Variants in SPECC1 observed in about 807,000 individuals in gnomAD.
The protein encoded by SPECC1 is sperm antigen with calponin homology and coiled-coil domains 1, also known as cytospin-B.
A neutral mutation model predicts 104.1 loss-of-function variants in SPECC1; 62 were observed. That is an observed-to-expected ratio of 0.60 (90% CI 0.49 to 0.74). The LOEUF is 0.74. SPECC1 is among the 30% of genes least tolerant of loss of function. The pLI is 0.00. For missense variants in SPECC1, 1,306 were observed against 1,310.5 expected (o/e 1.00, Z 0.05); for synonymous variants, 513 against 501.6 (o/e 1.02, Z -0.30).
chr17:20,269,894 C>G (rs1276238393), intron 12 of SPECC1, among the ~76,000 whole-genome samples: 1 of 152,148 alleles, frequency 6.6e-6, no homozygotes. Context: ...GGGTCCTTCC[C>G]CTGATCATTG....
In SPECC1 at chr17:20,232,320, G is replaced by A. The variant is rs746171428; in HGVS notation, c.2266G>A (p.Glu756Lys). ...CACCGTGAAGAGGAAACTGCTGGAG[G>A]AGGAGGAGAAGAATGCCCGGTTGCA... The part of the protein sequence containing the change: ...LRTVKRKLLE[E>K]EEKNARLQKE... The change falls in exon 7 of 15, where the codon GAG becomes AAG. Residue 756 changes from glutamate to lysine, a missense_variant. Physicochemically the swap from Glu to Lys is moderately conservative, Grantham distance 56. Coordinates refer to ENST00000395527, the MANE Select transcript of SPECC1 (RefSeq NM_001243439.2). 4.3e-6 allele frequency: 7 copies of A among 1,614,194 alleles called. No homozygotes were observed. In the East Asian group the frequency reaches 8.9e-5, roughly 21 times the overall value.
chr17:20,312,616 C>T (rs188209813), intron 14 of SPECC1, among the ~76,000 whole-genome samples: 1 of 152,298 alleles, frequency 6.6e-6, no homozygotes, highest in East Asian at 1.9e-4. Flanking sequence ...GTCATGTTAG[C>T]AACACTCCTT....
At chr17:20,042,333 A>G (rs1211096178) in intron 1 of SPECC1, among the ~76,000 whole-genome samples, 1 of 151,992 alleles carries the variant, frequency 6.6e-6, no homozygotes, top group Non-Finnish European at 1.5e-5. Context: ...ACTGCTTGCC[A>G]CAGTGCTTTC....
intron 3 of SPECC1, among the ~76,000 whole-genome samples, chr17:20,128,447 C>G (rs1211493188): frequency 1.3e-5 from 2 of 152,172 alleles, no homozygotes; most frequent in Non-Finnish European, 2.9e-5. Context: ...GGAGTGCTGT[C>G]AGATCACAAG....
At chr17:20,308,792 G>A (rs1308765257) in intron 14 of SPECC1, among the ~76,000 whole-genome samples, 1 of 152,178 alleles carries the variant, frequency 6.6e-6, no homozygotes, top group Non-Finnish European at 1.5e-5. Flanking sequence ...GGGTGGAGTA[G>A]CAGGGATCTC....
intron 13 of SPECC1, among the ~76,000 whole-genome samples, chr17:20,302,211 C>T (rs969978129): frequency 3.3e-5 from 5 of 152,218 alleles, no homozygotes; most frequent in African/African-American, 1.2e-4. Context: ...GCCCAACGGG[C>T]CCAACCCCTC....
At chr17:20,270,065 C>T (rs1014654875) in intron 12 of SPECC1, among the ~76,000 whole-genome samples, 2 of 152,022 alleles carry the variant, frequency 1.3e-5, no homozygotes, top group African/African-American at 4.8e-5. Context: ...GGCAAATTCA[C>T]AGAAACAGAA....
chr17:20,116,435 A>G (rs1487681259), intron 3 of SPECC1, among the ~76,000 whole-genome samples: 1 of 152,168 alleles, frequency 6.6e-6, no homozygotes, highest in African/African-American at 2.4e-5. Flanking sequence ...AATGTAAGAA[A>G]CAGTTCTATT....
In SPECC1 at chr17:20,296,757, C is replaced by T. The variant is rs147147452; in HGVS notation, c.2941-204C>T. Among the ~76,000 whole-genome samples, 125 of 152,144 alleles carry T rather than the reference C, an allele frequency of 8.2e-4. No individual in the cohort carries two copies. In the East Asian group the frequency reaches 0.014, roughly 16 times the overall value. On this transcript the variant is annotated intron_variant, in intron 12 of 14. Coordinates refer to ENST00000395527, the MANE Select transcript of SPECC1 (RefSeq NM_001243439.2). ...TTCACATCCCTTGTAAGTTGGATTC[C>T]TAGGTATTTTACTCTCTTTGTAGCA...
At chr17:20,019,058 AT>A (rs905140149) in intron 1 of SPECC1, among the ~76,000 whole-genome samples, 3 of 152,100 alleles carry the variant, frequency 2.0e-5, no homozygotes, top group African/African-American at 7.2e-5. Context: ...AGGATTAACC[AT>A]GCTTTTTATG....
chr17:20,170,689 A>C (rs921832135), intron 3 of SPECC1, among the ~76,000 whole-genome samples: 1 of 151,388 alleles, frequency 6.6e-6, no homozygotes, highest in African/African-American at 2.4e-5. Flanking sequence ...TTTCCTTTTT[A>C]ACTGTTGCTC....
intron 1 of SPECC1, among the ~76,000 whole-genome samples, chr17:20,072,613 C>A (rs1197395017): frequency 6.6e-6 from 1 of 152,232 alleles, no homozygotes; most frequent in Non-Finnish European, 1.5e-5. Flanking sequence ...CTCTGAACTC[C>A]TTACTGCACT....
chr17:20,288,618 C>CT (rs1464299501), intron 12 of SPECC1, among the ~76,000 whole-genome samples: 2 of 151,944 alleles, frequency 1.3e-5, no homozygotes, highest in African/African-American at 2.4e-5. Context: ...AAAATGAACA[C>CT]TTTTTTTTCT....
At chr17:20,269,603 AC>A (rs748934233) in intron 12 of SPECC1, among the ~76,000 whole-genome samples, 3 of 152,026 alleles carry the variant, frequency 2.0e-5, no homozygotes, top group Non-Finnish European at 2.9e-5. Context: ...CAAACTCCCG[AC>A]CTCAGGTGAT....
intron 3 of SPECC1, among the ~76,000 whole-genome samples, chr17:20,140,154 A>G (rs2152558706): frequency 6.6e-6 from 1 of 152,320 alleles, no homozygotes; most frequent in Non-Finnish European, 1.5e-5. Context: ...AGGGAAACCT[A>G]AAAAAATTAA....
chr17:20,255,506 A>C (rs768053140), intron 10 of SPECC1, among the ~76,000 whole-genome samples: 1 of 152,244 alleles, frequency 6.6e-6, no homozygotes, highest in Non-Finnish European at 1.5e-5. Context: ...CCTTTGGTAG[A>C]TAATATTTGT....
intron 9 of SPECC1, among the ~76,000 whole-genome samples, chr17:20,252,742 C>G (rs114019440): frequency 0.013 from 2,048 of 152,198 alleles, 37 homozygotes; most frequent in African/African-American, 0.047. Context: ...ATATTCTATA[C>G]CACATTTTCT....
chr17:20,257,215 C>T (rs1350437808), intron 10 of SPECC1, among the ~76,000 whole-genome samples: 2 of 152,206 alleles, frequency 1.3e-5, no homozygotes, highest in African/African-American at 4.8e-5. Flanking sequence ...ATGACATCAT[C>T]TTGAAATTCA....
intron 3 of SPECC1, among the ~76,000 whole-genome samples, chr17:20,159,389 A>G (rs1437407228): frequency 1.3e-5 from 2 of 152,242 alleles, no homozygotes; most frequent in Non-Finnish European, 2.9e-5. Context: ...AAGGGATCCC[A>G]GTGGAACACC....
Sources: allele counts gnomAD v4.1 joint callset (sites outside exome capture counted in the v4.1 genomes callset), GRCh38; gene constraint gnomAD v4.1.1; transcripts MANE v1.5; gene names NCBI Gene and HGNC (gene_info 2026-07-23, HGNC 2026-07-21).